PDS5B: variants seen among roughly 807,000 people sequenced by gnomAD.
PDS5B encodes the protein PDS5 cohesin associated factor B.
Under a neutral mutation model 184.1 loss-of-function variants are expected in PDS5B, and 51 were observed. The ratio of observed to expected loss-of-function variants is 0.28; its 90% confidence interval spans 0.22 to 0.35. The LOEUF (loss-of-function observed/expected upper bound fraction) is 0.35, where lower values mean the gene tolerates loss of function less well. PDS5B is among the 10% of genes least tolerant of loss of function. PDS5B has a pLI of 1.00. For missense variants in PDS5B, 1,180 were observed against 1,723.3 expected (o/e 0.68, Z 5.58); for synonymous variants, 566 against 569.2 (o/e 0.99, Z 0.08).
At chr13:32,599,067 G>A (rs897437490) in intron 1 of PDS5B, among the ~76,000 whole-genome samples, 1 of 152,036 alleles carries the variant, frequency 6.6e-6, no homozygotes, top group African/African-American at 2.4e-5. Context: ...ACCACGCCCA[G>A]CCTCAGTTTT....
intron 1 of PDS5B, among the ~76,000 whole-genome samples, chr13:32,618,612 C>T (rs2058252522): frequency 6.6e-6 from 1 of 152,022 alleles, no homozygotes; most frequent in South Asian, 2.1e-4. Context: ...CTAGTTTCTC[C>T]TTTGTTGAAG....
intron 15 of PDS5B, among the ~76,000 whole-genome samples, chr13:32,698,549 T>C (rs1951772761): frequency 6.6e-6 from 1 of 152,180 alleles, no homozygotes. Context: ...TTTTTTTCTA[T>C]TACAGAAACA....
At chr13:32,636,082 C>A (rs2058552130) in intron 1 of PDS5B, among the ~76,000 whole-genome samples, 1 of 152,138 alleles carries the variant, frequency 6.6e-6, no homozygotes, top group African/African-American at 2.4e-5. Context: ...TATTCTGATT[C>A]TTAATTTCCA....
intron 1 of PDS5B, among the ~76,000 whole-genome samples, chr13:32,611,651 G>A (rs1197151431): frequency 6.6e-6 from 1 of 151,804 alleles, no homozygotes; most frequent in Non-Finnish European, 1.5e-5. Flanking sequence ...GGGACTACAG[G>A]TGCGTGCCAC....
At chr13:32,716,495 C>T (rs1482673513) in intron 19 of PDS5B, among the ~76,000 whole-genome samples, 1 of 151,878 alleles carries the variant, frequency 6.6e-6, no homozygotes, top group South Asian at 2.1e-4. Context: ...TGAGGAGCGC[C>T]TCCGCCCAGC....
chr13:32,742,348 G>T (rs1953588080), intron 22 of PDS5B, among the ~76,000 whole-genome samples: 1 of 152,110 alleles, frequency 6.6e-6, no homozygotes, highest in South Asian at 2.1e-4. Flanking sequence ...TCAAATATAT[G>T]TTGGGGAAAC....
Position 32,652,117 on chromosome 13 carries a change from G to A in PDS5B, c.312+110G>A, listed in dbSNP as rs556017198. 412 of 736,522 alleles carry A rather than the reference G, an allele frequency of 5.6e-4. 2 individuals carry two copies. The South Asian group carries it at 5.9e-3, about 11-fold the overall frequency. 45.6% of individuals were successfully genotyped at this position (736,522 alleles called of 1,614,324 possible). Reference sequence around the variant, plus strand: ...GATTTCCTTGGATTCTTTGACATTAGCTACAGTAATCTTTTGCTAAACTTA... The same window carrying A: ...GATTTCCTTGGATTCTTTGACATTAACTACAGTAATCTTTTGCTAAACTTA... On this transcript the variant is annotated intron_variant, in intron 3 of 34. Coordinates refer to ENST00000315596, the MANE Select transcript of PDS5B (RefSeq NM_015032.4).
intron 1 of PDS5B, among the ~76,000 whole-genome samples, chr13:32,602,929 T>G (rs1301051363): frequency 1.3e-5 from 2 of 152,246 alleles, no homozygotes; most frequent in African/African-American, 4.8e-5. Context: ...TTGCCTACTT[T>G]TTGATGGGGT....
intron 6 of PDS5B, among the ~76,000 whole-genome samples, chr13:32,663,135 A>G (rs1950694040): frequency 6.6e-6 from 1 of 152,150 alleles, no homozygotes; most frequent in African/African-American, 2.4e-5. Flanking sequence ...AGCAGCAAAA[A>G]TAATTACAGC....
chr13:32,615,243 T>C (rs2058201015), intron 1 of PDS5B, among the ~76,000 whole-genome samples: 1 of 152,222 alleles, frequency 6.6e-6, no homozygotes, highest in Non-Finnish European at 1.5e-5. Context: ...TTTATGAGGT[T>C]TGTCTATCTT....
At chr13:32,771,045 A>G (rs1954767394) in intron 33 of PDS5B, 2 of 277,064 alleles carry the variant, frequency 7.2e-6, no homozygotes, top group South Asian at 1.7e-4. Flanking sequence ...TTTTTAAATA[A>G]TCACCACACA....
chr13:32,710,764 A>G (rs1952178754), intron 19 of PDS5B, among the ~76,000 whole-genome samples: 1 of 152,072 alleles, frequency 6.6e-6, no homozygotes, highest in African/African-American at 2.4e-5. Context: ...TTTCACCTCT[A>G]CCTCATCACT....
rs73448664 is a variant in PDS5B, at chr13:32,680,187, G to A, written c.1057+1258G>A. 2.7e-3 allele frequency among the ~76,000 whole-genome samples: 405 copies of A among 152,000 alleles called. 1 individual carries two copies. The highest frequency in any genetic ancestry group is 0.014 in the Middle Eastern group (4 of 294). On this transcript the variant is annotated intron_variant, in intron 10 of 34. Coordinates refer to ENST00000315596, the MANE Select transcript of PDS5B (RefSeq NM_015032.4). ...GTCTGCTCATGATTAAGAGTGGGGG[G>A]GCTAAATCAAAAGCTGTTTGGAAAG...
chr13:32,594,725 G>C (rs2057831676), intron 1 of PDS5B, among the ~76,000 whole-genome samples: 1 of 152,166 alleles, frequency 6.6e-6, no homozygotes, highest in African/African-American at 2.4e-5. Flanking sequence ...TCATGCTGCT[G>C]CCAGATGATT....
At chr13:32,720,748 G>C (rs1952644514) in intron 19 of PDS5B, among the ~76,000 whole-genome samples, 1 of 151,848 alleles carries the variant, frequency 6.6e-6, no homozygotes, top group Non-Finnish European at 1.5e-5. Context: ...AGATAAACAT[G>C]TGAACAAAGG....
At chr13:32,753,195 T>C (rs1276611295) in intron 24 of PDS5B, 137 bp from the exon 25 acceptor site, 2 of 625,330 alleles carry the variant, frequency 3.2e-6, no homozygotes, top group Non-Finnish European at 5.6e-6. Flanking sequence ...AACATCTCAC[T>C]CTTGTGAGCA....
At chr13:32,660,195 A>AGG (rs1950607090) in intron 6 of PDS5B, among the ~76,000 whole-genome samples, 1 of 152,026 alleles carries the variant, frequency 6.6e-6, no homozygotes, top group Non-Finnish European at 1.5e-5. Flanking sequence ...GCCCAGCCTC[A>AGG]CTTCTGCCTC....
chr13:32,694,200 A>G (rs780608270), intron 13 of PDS5B, 23 bp from the exon 14 acceptor site: 1 of 1,469,412 alleles, frequency 6.8e-7, no homozygotes, highest in South Asian at 1.2e-5. Flanking sequence ...TGTTATTTAA[A>G]TGTGTATGTT....
At chr13:32,645,373 T>C (rs868766228) in intron 1 of PDS5B, among the ~76,000 whole-genome samples, 1 of 152,216 alleles carries the variant, frequency 6.6e-6, no homozygotes, top group Non-Finnish European at 1.5e-5. Flanking sequence ...TTTCATTTCT[T>C]GGAACTATTT....
Sources: allele counts gnomAD v4.1 joint callset (sites outside exome capture counted in the v4.1 genomes callset), GRCh38; gene constraint gnomAD v4.1.1; transcripts MANE v1.5; gene names NCBI Gene and HGNC (gene_info 2026-07-23, HGNC 2026-07-21).